The following CBARP variants were observed in gnomAD, a reference collection of about 807,000 sequenced individuals.
CBARP encodes the protein CACN subunit beta associated regulatory protein.
A neutral mutation model predicts 36.3 loss-of-function variants in CBARP; 24 were observed. The observed-to-expected ratio is 0.66, with a 90% CI of 0.48 to 0.93. CBARP has a LOEUF of 0.93. CBARP is among the 40% of genes least tolerant of loss of function. The pLI is 0.00. For synonymous variants in CBARP, 586 were observed against 453.2 expected (o/e 1.29, Z -3.72); for missense variants, 1,146 against 980.4 (o/e 1.17, Z -2.26).
chr19:1,235,324 C>T (rs901003109), intron 4 of CBARP, 177 bp downstream of exon 4: 8 of 1,044,838 alleles, frequency 7.7e-6, no homozygotes, highest in South Asian at 5.3e-5. Flanking sequence ...GCTCAGCACG[C>T]GCCTGGGCCC....
intron 8 of CBARP, among the ~76,000 whole-genome samples, chr19:1,233,049 G>A (rs766275877): frequency 3.9e-4 from 60 of 152,334 alleles, no homozygotes; most frequent in Admixed American, 9.1e-4. Flanking sequence ...GATGAGAGCC[G>A]AGCATGGCTG....
rs2080846147 is a variant in CBARP, at chr19:1,228,474, C to T, written c.*705G>A. The T allele has an allele frequency of 4.9e-6, 1 of 203,816 alleles. No individual in the cohort carries two copies. Among genetic ancestry groups the T allele is most frequent in the East Asian group, 7.4e-5 (1 of 13,538 alleles). The allele number at this position is 203,816 out of a possible 1,614,324, so 12.6% of individuals were successfully genotyped here. Reference sequence around the variant, plus strand: ...TGTTCGCGTCTCAACGTGGATGGGGCGGCAGCGGGGCGGGCGCCGTTGACA... The same window carrying T: ...TGTTCGCGTCTCAACGTGGATGGGGTGGCAGCGGGGCGGGCGCCGTTGACA... On this transcript the variant is annotated 3_prime_UTR_variant, in exon 10 of 10. Transcript: ENST00000650044.
Position 1,229,622 on chromosome 19 carries a change from G to A in CBARP, c.1675C>T (p.His559Tyr). The A allele has an allele frequency of 2.5e-6, 3 of 1,201,914 alleles. No homozygotes were observed. Among genetic ancestry groups the A allele is most frequent in the Non-Finnish European group, 3.2e-6 (3 of 948,358 alleles). The allele number at this position is 1,201,914 out of a possible 1,614,324, so 74.5% of individuals were successfully genotyped here. The change falls in exon 10 of 10, where the codon CAC (histidine) becomes TAC (tyrosine). Residue 559 changes from histidine to tyrosine, a missense_variant. Coordinates refer to ENST00000650044, the MANE Select transcript of CBARP (RefSeq NM_001393918.1). The surrounding 1 kb of genome is among the most constrained non-coding windows in gnomAD (Gnocchi z 5.1). ...LFHEFLRHDP[H>Y]FDDTPAAARH... is the part of the protein sequence containing the mutation. Reference sequence around the variant, plus strand: ...GCGGCAGCCGGCGTGTCGTCGAAGTGCGGGTCGTGGCGCAGGAACTCGTGG... The same window carrying A: ...GCGGCAGCCGGCGTGTCGTCGAAGTACGGGTCGTGGCGCAGGAACTCGTGG...
At chr19:1,235,966 C>T in intron 2 of CBARP, 30 bp downstream of exon 2, 1 of 1,585,216 alleles carries the variant, frequency 6.3e-7, no homozygotes, top group Non-Finnish European at 8.6e-7. Flanking sequence ...GGACGACCTC[C>T]TGCCCCTCCC....
intron 4 of CBARP, 111 bp downstream of exon 4, chr19:1,235,390 T>C: frequency 7.9e-7 from 1 of 1,259,250 alleles, no homozygotes; most frequent in Non-Finnish European, 1.1e-6. Flanking sequence ...CTGCGCCCAG[T>C]CTGGTGGGGG....
chr19:1,236,167 T>C (rs2080969987), intron 1 of CBARP, 46 bp from the exon 2 acceptor site: 2 of 1,368,510 alleles, frequency 1.5e-6, no homozygotes, highest in Non-Finnish European at 9.4e-7. Context: ...CTACTTCTCC[T>C]GCAGGAGCCA....
In CBARP at chr19:1,234,788, G is replaced by A. The variant is rs146152625; in HGVS notation, c.456-46C>T. The A allele has an allele frequency of 8.6e-4, 1,359 of 1,583,912 alleles. 11 individuals are homozygous for A. In the African/African-American group the frequency reaches 0.016, roughly 18 times the overall value. ...CAGAGCCCGCCCACCTCCCATGCCC[G>A]ATGCCCCAGCTGCCGTGCTCTGCCA... On this transcript the variant is annotated intron_variant, in intron 5 of 9. Coordinates refer to ENST00000650044, the MANE Select transcript of CBARP (RefSeq NM_001393918.1).
At chr19:1,233,892 G>A (rs748072450) in intron 7 of CBARP, among the ~76,000 whole-genome samples, 22 of 152,358 alleles carry the variant, frequency 1.4e-4, no homozygotes, top group Middle Eastern at 3.4e-3. Context: ...GTGTCTAGAA[G>A]GTCTCTCGCC....
rs1229862514 is a variant in CBARP at position 1,229,344 on chromosome 19, C to T, written c.1953G>A (p.Gly651=). 2 of 1,197,536 alleles carry T rather than the reference C, an allele frequency of 1.7e-6. No individual in the cohort carries two copies. Among genetic ancestry groups the T allele is most frequent in the Non-Finnish European group, 2.1e-6 (2 of 942,710 alleles). 74.2% of individuals were successfully genotyped at this position (1,197,536 alleles called of 1,614,324 possible). ...GGACGCACAGGCCCGAGCCGGGGCACCCCCCGCCGCCCGGCTCCTCCTCGA... is the reference window on the plus strand; with the variant it reads ...GGACGCACAGGCCCGAGCCGGGGCATCCCCCGCCGCCCGGCTCCTCCTCGA... ...PVIEEEPGGG[G]CPGSGLCVLP... is the part of the protein sequence containing the mutation. Residue 651 remains glycine (G), a synonymous_variant, in exon 10 of 10, where the codon GGG becomes GGA. Coordinates refer to ENST00000650044, the MANE Select transcript of CBARP (RefSeq NM_001393918.1). This position sits in a 1 kb window ranked among gnomAD's most constrained non-coding sequence, Gnocchi z 5.1.
Position 1,229,812 on chromosome 19 carries a change from C to T in CBARP, c.1485G>A (p.Ala495=), listed in dbSNP as rs1599937977. 5 of 994,260 alleles carry T rather than the reference C, an allele frequency of 5.0e-6. No homozygotes were observed. The highest frequency in any genetic ancestry group is 6.1e-5 in the Admixed American group (1 of 16,418). 61.6% of individuals were successfully genotyped at this position (994,260 alleles called of 1,614,324 possible). A position where few individuals can be genotyped will look rare whatever the true frequency, so the allele number is the denominator to read the frequency against. ...PPAPRPKDGE[A]RRLLQMDSGY... is the part of the protein sequence containing the mutation. ...CACTGTCCATCTGCAGCAGCCGGCG[C>T]GCCTCGCCGTCCTTGGGCCGCGGCG... The change falls in exon 10 of 10, where the codon GCG becomes GCA. Residue 495 remains alanine, a synonymous_variant. Coordinates refer to ENST00000650044, the MANE Select transcript of CBARP (RefSeq NM_001393918.1). The surrounding 1 kb of genome is among the most constrained non-coding windows in gnomAD (Gnocchi z 5.1).
intron 8 of CBARP, among the ~76,000 whole-genome samples, chr19:1,232,066 G>T (rs549880540): frequency 8.4e-4 from 128 of 152,198 alleles, no homozygotes; most frequent in Non-Finnish European, 1.6e-3. Flanking sequence ...CTCCACCCTG[G>T]TCTGGAGAGC....
intron 9 of CBARP, chr19:1,230,742 G>T: frequency 7.6e-7 from 1 of 1,309,662 alleles, no homozygotes; most frequent in Non-Finnish European, 9.7e-7. Context: ...CTTCTGAGAG[G>T]AGTCTGCCCA....
chr19:1,234,081 G>T, intron 7 of CBARP, 110 bp downstream of exon 7: 1 of 1,284,026 alleles, frequency 7.8e-7, no homozygotes, highest in Non-Finnish European at 1.0e-6. Context: ...GCCAAGGAGG[G>T]CTGCGGTGGC....
intron 8 of CBARP, 94 bp from the exon 9 acceptor site, chr19:1,231,369 A>G: frequency 8.7e-7 from 1 of 1,147,300 alleles, no homozygotes; most frequent in Non-Finnish European, 1.2e-6. Flanking sequence ...CCACACACAC[A>G]CAATGCCTGT....
chr19:1,234,031 G>A (rs1329184303), intron 7 of CBARP, among the ~76,000 whole-genome samples, 160 bp downstream of exon 7: 2 of 152,200 alleles, frequency 1.3e-5, no homozygotes, highest in African/African-American at 2.4e-5. Context: ...TCCGGTGTGC[G>A]GCCGGCTCCC....
Position 1,229,696 on chromosome 19 carries a change from C to T in CBARP, c.1601G>A (p.Arg534His), listed in dbSNP as rs866060889. The T allele has an allele frequency of 2.9e-6, 3 of 1,023,704 alleles. No homozygotes were observed. Among genetic ancestry groups the T allele is most frequent in the African/African-American group, 3.6e-5 (2 of 55,842 alleles). The allele number at this position is 1,023,704 out of a possible 1,614,324, so 63.4% of individuals were successfully genotyped here. A position where few individuals can be genotyped will look rare whatever the true frequency, so the allele number is the denominator to read the frequency against. Residue 534 changes from arginine (R) to histidine (H), a missense_variant, in exon 10 of 10, where the codon CGC becomes CAC. Arg to His is a conservative substitution (Grantham distance 29). Transcript: ENST00000650044. The surrounding 1 kb of genome is among the most constrained non-coding windows in gnomAD (Gnocchi z 5.1). ...GATGCTGTAGTCGCGGCGCGGGCGG[C>T]GGGGCCAGGCGCGCGGGCTGCGGGG... ...ARPRSPRAWP[R>H]RPRRDYSIDE...
At position 1,228,353 on chromosome 19, in the gene CBARP, G is replaced by C. The variant is rs1046924303; in HGVS notation, c.*826C>G. On this transcript the variant is annotated 3_prime_UTR_variant, in exon 10 of 10. Transcript: ENST00000650044. ...AGAAACGCCATCGCGGGATGGTGCA[G>C]ACGCGGCGGGGACTCGGAGGGTGCC... 4.1e-5 allele frequency: 10 copies of C among 241,266 alleles called. No homozygotes were observed. The highest frequency in any genetic ancestry group is 7.1e-5 in the Non-Finnish European group (9 of 125,944). The allele number at this position is 241,266 out of a possible 1,614,324, so 14.9% of individuals were successfully genotyped here.
chr19:1,230,995 C>T (rs373982099), intron 9 of CBARP, 106 bp downstream of exon 9: 11 of 1,547,754 alleles, frequency 7.1e-6, no homozygotes, highest in East Asian at 4.5e-5. Context: ...CAGGCGAGCG[C>T]GTGTCCACGG....
Position 1,229,244 on chromosome 19 carries a change from G to T in CBARP, c.2053C>A (p.Pro685Thr). Residue 685 changes from proline to threonine, a missense_variant, in exon 10 of 10, where the codon CCC becomes ACC. Physicochemically the swap from Pro to Thr is conservative, Grantham distance 38. Transcript: ENST00000650044. The surrounding 1 kb of genome is among the most constrained non-coding windows in gnomAD (Gnocchi z 5.1). ...ERLFPPRLAE[P>T]VVATPALVAA... is the part of the protein sequence containing the mutation. ...ACCAACGCGGGAGTCGCCACGACGG[G>T]CTCGGCGAGGCGCGGCGGAAAGAGT... 8.1e-7 allele frequency: 1 copy of T among 1,239,912 alleles called. No individual in the cohort carries two copies. The allele number at this position is 1,239,912 out of a possible 1,614,324, so 76.8% of individuals were successfully genotyped here. A position where few individuals can be genotyped will look rare whatever the true frequency, so the allele number is the denominator to read the frequency against.
Sources: allele counts gnomAD v4.1 joint callset (sites outside exome capture counted in the v4.1 genomes callset), GRCh38; gene constraint gnomAD v4.1.1; non-coding constraint Gnocchi (gnomAD v3.1); transcripts MANE v1.5; gene names NCBI Gene and HGNC (gene_info 2026-07-23, HGNC 2026-07-21).